Variants in SREBF2 observed in about 807,000 individuals in gnomAD.
The protein encoded by SREBF2 is sterol regulatory element binding transcription factor 2.
A neutral mutation model predicts 113.1 loss-of-function variants in SREBF2; 55 were observed. That is an observed-to-expected ratio of 0.49 (90% CI 0.39 to 0.61). The LOEUF is 0.61. Among genes scored for constraint, SREBF2 ranks in the 20% least tolerant of loss-of-function variants. SREBF2 has a pLI of 0.00. For missense variants in SREBF2, 1,349 were observed against 1,487.4 expected, an observed-to-expected ratio of 0.91 and a Z score of 1.53; for synonymous variants, 593 against 605.7, an observed-to-expected ratio of 0.98 and a Z score of 0.31.
intron 12 of SREBF2, among the ~76,000 whole-genome samples, chr22:41,893,731 A>G (rs1435155117): frequency 6.6e-6 from 1 of 152,156 alleles, no homozygotes; most frequent in East Asian, 1.9e-4. Flanking sequence ...GCAGTCATCA[A>G]CTGCTCAGAG....
intron 1 of SREBF2, among the ~76,000 whole-genome samples, chr22:41,852,222 G>C (rs1213232587): frequency 6.6e-6 from 1 of 150,990 alleles, no homozygotes; most frequent in African/African-American, 2.4e-5. Context: ...GAAAAAAAAA[G>C]TGAAAAAATT....
intron 4 of SREBF2, 133 bp downstream of exon 4, chr22:41,871,168 A>G (rs1248752474): frequency 8.1e-7 from 1 of 1,228,544 alleles, no homozygotes; most frequent in African/African-American, 1.5e-5. Context: ...CAAATTGTAA[A>G]TGTCACCCCT....
intron 13 of SREBF2, 111 bp downstream of exon 13, chr22:41,895,048 C>G: frequency 1.2e-6 from 1 of 814,676 alleles, no homozygotes; most frequent in Non-Finnish European, 2.1e-6. Context: ...ATCGGGTTGG[C>G]AGGGCAATCA....
chr22:41,873,053 C>G (rs1263291390), intron 4 of SREBF2, among the ~76,000 whole-genome samples: 2 of 151,966 alleles, frequency 1.3e-5, no homozygotes, highest in Non-Finnish European at 2.9e-5. Context: ...CAAAATTAGC[C>G]AGGCATGGTG....
intron 14 of SREBF2, among the ~76,000 whole-genome samples, chr22:41,897,835 G>A (rs148341034): frequency 6.6e-6 from 1 of 152,334 alleles, no homozygotes; most frequent in Non-Finnish European, 1.5e-5. Flanking sequence ...AGGGAAGCAT[G>A]ACCATCCCCG....
At chr22:41,890,424 G>A (rs941138917) in intron 11 of SREBF2, among the ~76,000 whole-genome samples, 3 of 152,202 alleles carry the variant, frequency 2.0e-5, no homozygotes, top group African/African-American at 7.2e-5. Context: ...ATCACTTGCT[G>A]TGGCACCTCA....
At chr22:41,840,532 C>T (rs953557269) in intron 1 of SREBF2, among the ~76,000 whole-genome samples, 3 of 152,206 alleles carry the variant, frequency 2.0e-5, no homozygotes, top group Admixed American at 1.3e-4. Context: ...GGTAACTCTT[C>T]GAGGCCTTGC....
At chr22:41,896,918 C>T (rs138717964) in intron 13 of SREBF2, 134 bp from the exon 14 acceptor site, 3 of 670,074 alleles carry the variant, frequency 4.5e-6, no homozygotes, top group Non-Finnish European at 5.5e-6. Context: ...ACAGCGCTTG[C>T]GTGTGCCTGG....
Position 41,867,161 on chromosome 22 carries a change from A to C in SREBF2, c.419A>C (p.Gln140Pro), listed in dbSNP as rs769898672. Reference protein sequence around the residue: ...ILQPRPQPQPQPQTQLQQQTV... With the variant: ...ILQPRPQPQPPPQTQLQQQTV... ...CAGCCCCGCCCCCAGCCCCAGCCTC[A>C]ACCTCAAACTCAGCTGCAACAACAG... The change falls in exon 2 of 19, where the codon CAA becomes CCA. Residue 140 changes from glutamine (Q) to proline (P), a missense_variant. By Grantham distance (76) the Gln-to-Pro change is moderately conservative. Transcript: ENST00000361204. 2 of 1,614,124 alleles carry C rather than the reference A, an allele frequency of 1.2e-6. No homozygotes were observed. Among genetic ancestry groups the C allele is most frequent in the Admixed American group, 1.7e-5 (1 of 60,000 alleles).
chr22:41,883,742 G>A (rs1466560021), intron 10 of SREBF2, among the ~76,000 whole-genome samples: 1 of 152,188 alleles, frequency 6.6e-6, no homozygotes, highest in Non-Finnish European at 1.5e-5. Context: ...TCCCTAGGCT[G>A]ATAAAAAGAC....
At chr22:41,887,173 C>A (rs1458633115) in intron 11 of SREBF2, among the ~76,000 whole-genome samples, 6 of 152,100 alleles carry the variant, frequency 3.9e-5, no homozygotes, top group Non-Finnish European at 7.4e-5. Flanking sequence ...CAAGATTGCA[C>A]CACTGCACTC....
At chr22:41,883,800 C>T (rs904613034) in intron 10 of SREBF2, among the ~76,000 whole-genome samples, 2 of 152,184 alleles carry the variant, frequency 1.3e-5, no homozygotes, top group South Asian at 2.1e-4. Context: ...TGGATGAGCA[C>T]GGGAAGCCTG....
At chr22:41,885,836 T>C (rs1268651301) in intron 11 of SREBF2, 1 of 152,510 alleles carries the variant, frequency 6.6e-6, no homozygotes, top group Non-Finnish European at 1.5e-5. Context: ...AATCAGAACG[T>C]GCCCTGTAGT....
rs756406320 is a variant in SREBF2 at position 41,885,015 on chromosome 22, A to C, written c.2208+4A>C. The stretch of plus-strand genomic sequence containing the variant: ...AGGCAAGCTGGGCTTCCTGGCCGTG[A>C]GTACCCTTCGGTTCCCTTCTGTAAA... On this transcript the variant is annotated splice_donor_region_variant and intron_variant, in intron 11 of 18. Transcript: ENST00000361204. The C allele has an allele frequency of 8.7e-6, 14 of 1,613,934 alleles. No homozygotes were observed. Among genetic ancestry groups the C allele is most frequent in the Non-Finnish European group, 1.2e-5 (14 of 1,180,004 alleles).
Position 41,870,951 on chromosome 22 carries a change from T to C in SREBF2, c.783T>C (p.Asp261=). The C allele has an allele frequency of 1.2e-6, 2 of 1,614,182 alleles. No homozygotes were observed. The highest frequency in any genetic ancestry group is 8.5e-7 in the Non-Finnish European group (1 of 1,180,014). ...DSLVLTTLKT[D]GSPVMAAVQN... ...TTGTTTTGACCACACTGAAGACAGA[T>C]GGCAGCCCTGTTATGGCTGCGGTCC... is the stretch of plus-strand genomic sequence containing the variant. The change falls in exon 4 of 19, where the codon GAT becomes GAC. Residue 261 remains aspartate, a synonymous_variant. Transcript: ENST00000361204.
intron 13 of SREBF2, among the ~76,000 whole-genome samples, chr22:41,895,858 G>A (rs2077411536): frequency 1.3e-5 from 2 of 151,156 alleles, no homozygotes; most frequent in South Asian, 4.2e-4. Context: ...AGGGGATGGG[G>A]GCTGGGTGCA....
chr22:41,860,175 G>A (rs1466990573), intron 1 of SREBF2, among the ~76,000 whole-genome samples: 7 of 151,812 alleles, frequency 4.6e-5, no homozygotes, highest in Non-Finnish European at 7.4e-5. Flanking sequence ...AACAAAGTGG[G>A]GGAAGTACTT....
intron 1 of SREBF2, among the ~76,000 whole-genome samples, chr22:41,864,317 ATATATATTT>A (rs2077054994): frequency 9.6e-6 from 1 of 103,770 alleles, no homozygotes; most frequent in African/African-American, 4.3e-5. Flanking sequence ...ATGTATATAT[ATATATATTT>A]TTTTTTTTTT....
intron 15 of SREBF2, chr22:41,899,551 AGAGTGAGTATACACAGGCTT>A: frequency 1.0e-6 from 1 of 992,794 alleles, no homozygotes; most frequent in Non-Finnish European, 1.2e-6. Flanking sequence ...GGAGCTGAGA[AGAGTGAGTATACACAGGCTT>A]GAAGTCCTTT....
Sources: gnomAD v4.1 joint callset for allele counts (sites outside exome capture counted in the v4.1 genomes callset) on GRCh38, gnomAD v4.1.1 for gene constraint, MANE v1.5 for transcripts, NCBI Gene and HGNC (gene_info 2026-07-23, HGNC 2026-07-21) for gene names.